Variants in COL4A4 observed in about 807,000 individuals in gnomAD.
The protein encoded by COL4A4 is collagen type IV alpha 4 chain, also known as collagen alpha-4(IV) chain.
COL4A4 carries 105 observed loss-of-function variants against 192.9 expected under a neutral mutation model. The observed-to-expected ratio is 0.54, with a 90% confidence interval of 0.46 to 0.64. The LOEUF (loss-of-function observed/expected upper bound fraction) is 0.64, where lower values mean the gene tolerates loss of function less well. Among genes scored for constraint, COL4A4 ranks in the 30% least tolerant of loss-of-function variants. COL4A4 has a pLI of 0.00. For synonymous variants in COL4A4, 762 were observed against 769.9 expected, an observed-to-expected ratio of 0.99 and a Z score of 0.17; for missense variants, 1,967 against 2,169.3, an observed-to-expected ratio of 0.91 and a Z score of 1.85.
Position 227,068,971 on chromosome 2 carries a change from T to C in COL4A4, c.1988-6373A>G, listed in dbSNP as rs1255505744. Among the ~76,000 whole-genome samples, 1,351 of 149,282 alleles carry C rather than the reference T, an allele frequency of 9.0e-3. 12 individuals are homozygous for C. Among genetic ancestry groups the C allele is most frequent in the African/African-American group, 0.032 (1,279 of 39,946 alleles). On this transcript the variant is annotated intron_variant, in intron 25 of 47. Transcript: ENST00000396625. ...ATGATTGTATATCTAGAAAACCCCATTGTCTCAGCCCAAAATCTCCTTAAG... is the reference window on the plus strand; with the variant it reads ...ATGATTGTATATCTAGAAAACCCCACTGTCTCAGCCCAAAATCTCCTTAAG...
chr2:227,043,014 G>C, intron 36 of COL4A4, 63 bp downstream of exon 36: 1 of 1,212,318 alleles, frequency 8.2e-7, no homozygotes, highest in Non-Finnish European at 1.2e-6. Flanking sequence ...AAGACTGGTG[G>C]TTTCTGAAAC....
At chr2:227,055,032 C>G (rs991045872) in intron 30 of COL4A4, among the ~76,000 whole-genome samples, 7 of 152,106 alleles carry the variant, frequency 4.6e-5, no homozygotes, top group African/African-American at 1.7e-4. Flanking sequence ...TCAAGTGATC[C>G]ACCCGCCTCA....
intron 14 of COL4A4, 102 bp downstream of exon 14, chr2:227,103,042 T>C (rs1222905356): frequency 3.5e-6 from 4 of 1,140,504 alleles, no homozygotes; most frequent in Non-Finnish European, 3.9e-6. Context: ...TGGTAATATA[T>C]ATTAGCACTT....
intron 34 of COL4A4, 82 bp from the exon 35 acceptor site, chr2:227,047,631 T>C (rs1196214219): frequency 1.1e-5 from 9 of 849,092 alleles, no homozygotes; most frequent in Non-Finnish European, 1.6e-5. Context: ...TTTATGGTAT[T>C]TGTATAGCTT....
At chr2:226,970,517 C>T in the COL4A4 span, among the ~76,000 whole-genome samples, 1 of 152,144 alleles carries the variant, frequency 6.6e-6, no homozygotes, top group Admixed American at 6.5e-5. Flanking sequence ...TGTTGGCTGC[C>T]AGAGGGCACG....
At chr2:227,020,880 C>CTTTTTCT (rs1553619614) in intron 44 of COL4A4, among the ~76,000 whole-genome samples, 34 of 127,596 alleles carry the variant, frequency 2.7e-4, no homozygotes, top group African/African-American at 1.1e-3. Flanking sequence ...ACACTTTTTT[C>CTTTTTCT]TTTTTTTTTT....
chr2:227,023,885 A>G (rs1475111273), intron 43 of COL4A4, among the ~76,000 whole-genome samples: 2 of 152,112 alleles, frequency 1.3e-5, no homozygotes, highest in African/African-American at 2.4e-5. Context: ...GGTGGTGCAC[A>G]GTCCCAGCTA....
chr2:227,067,299 A>G (rs911647009), intron 25 of COL4A4, among the ~76,000 whole-genome samples: 3 of 152,146 alleles, frequency 2.0e-5, no homozygotes, highest in African/African-American at 7.2e-5. Context: ...TCAACATTAG[A>G]CAGATCAACG....
chr2:227,100,090 C>T (rs544047102), intron 17 of COL4A4, among the ~76,000 whole-genome samples: 29 of 152,316 alleles, frequency 1.9e-4, no homozygotes, highest in Non-Finnish European at 3.1e-4. Context: ...CAACAAATAG[C>T]GTCCCTCTAA....
At chr2:227,025,764 G>A (rs1321489504) in intron 43 of COL4A4, 38 bp downstream of exon 43, 1 of 1,590,948 alleles carries the variant, frequency 6.3e-7, no homozygotes, top group Admixed American at 1.7e-5. Context: ...CTAGAAACCA[G>A]AGTGAGGGGA....
At position 227,030,442 on chromosome 2, in the gene COL4A4, C is replaced by T. The variant is rs755478262; in HGVS notation, c.3973+1G>A. ...ATTACTTAACGGAACAACATTCATACCTTTCTGGCCATCTTTTCCATCACA... is the reference window on the plus strand; with the variant it reads ...ATTACTTAACGGAACAACATTCATATCTTTCTGGCCATCTTTTCCATCACA... On this transcript the variant is annotated splice_donor_variant, in intron 41 of 47. Coordinates refer to ENST00000396625, the MANE Select transcript of COL4A4 (RefSeq NM_000092.5). LOFTEE classifies it high-confidence loss of function. 2 of 1,614,078 alleles carry T rather than the reference C, an allele frequency of 1.2e-6. No homozygotes were observed. Among genetic ancestry groups the T allele is most frequent in the Non-Finnish European group, 1.7e-6 (2 of 1,179,978 alleles).
At position 227,061,648 on chromosome 2, in the gene COL4A4, A is replaced by C. The variant is rs549820498; in HGVS notation, c.2056+882T>G. On this transcript the variant is annotated intron_variant, in intron 26 of 47. Coordinates refer to ENST00000396625, the MANE Select transcript of COL4A4 (RefSeq NM_000092.5). Reference sequence around the variant, plus strand: ...TTATTGTCATAAAATTTGATGGTAGAGAGAGTAACAGTCAGTCATTATTCA... The same window carrying C: ...TTATTGTCATAAAATTTGATGGTAGCGAGAGTAACAGTCAGTCATTATTCA... Among the ~76,000 whole-genome samples, 16 of 152,358 alleles carry C rather than the reference A, an allele frequency of 1.1e-4. No individual in the cohort carries two copies. In the South Asian group the frequency reaches 2.5e-3, roughly 24 times the overall value.
At chr2:227,091,247 C>CAGATAGATATAGATAT (rs61128654) in intron 20 of COL4A4, among the ~76,000 whole-genome samples, 3 of 142,424 alleles carry the variant, frequency 2.1e-5, no homozygotes, top group East Asian at 4.1e-4. Context: ...AATTGAAAAA[C>CAGATAGATATAGATAT]AGATATAGAT....
chr2:227,118,863 A>G (rs2061625456), intron 6 of COL4A4, 102 bp from the exon 7 acceptor site: 2 of 801,208 alleles, frequency 2.5e-6, no homozygotes, highest in African/African-American at 1.7e-5. Context: ...TGATTCACAC[A>G]TTTACTGTTT....
chr2:227,049,102 G>A (rs1489824810), intron 34 of COL4A4, among the ~76,000 whole-genome samples: 3 of 152,148 alleles, frequency 2.0e-5, no homozygotes, highest in Non-Finnish European at 2.9e-5. Flanking sequence ...TTACGCTAAG[G>A]CTAAGGTTAA....
intron 25 of COL4A4, among the ~76,000 whole-genome samples, chr2:227,071,312 T>C (rs2058709136): frequency 6.6e-6 from 1 of 151,944 alleles, no homozygotes; most frequent in East Asian, 1.9e-4. Context: ...ACAAAGATGG[T>C]CACTATGTAA....
intron 24 of COL4A4, among the ~76,000 whole-genome samples, chr2:227,078,654 A>G (rs2150484880): frequency 6.6e-6 from 1 of 152,352 alleles, no homozygotes; most frequent in African/African-American, 2.4e-5. Context: ...TTTATGTCAA[A>G]CCATTCTCTA....
chr2:227,041,863 A>AG lies in COL4A4; in HGVS notation c.3505+284_3505+285insC, dbSNP rs1559478629. ...AAGAAAGAAAGAGAAAGAAAGAAAG[A>AG]AAGAAAGAAAGAAAGAAAGAAAGAA... is the stretch of plus-strand genomic sequence containing the variant. On this transcript the variant is annotated intron_variant, in intron 37 of 47. Transcript: ENST00000396625. Among the ~76,000 whole-genome samples the AG allele has an allele frequency of 1.3e-3, 168 of 126,230 alleles. 2 individuals are homozygous for AG. The highest frequency in any genetic ancestry group is 4.8e-3 in the African/African-American group (147 of 30,452). The allele number at this position is 126,230 out of a possible 152,430, so 82.8% of individuals were successfully genotyped here. A position where few individuals can be genotyped will look rare whatever the true frequency, so the allele number is the denominator to read the frequency against.
intron 6 of COL4A4, 38 bp downstream of exon 6, chr2:227,119,857 C>CT (rs1315729802): frequency 7.2e-6 from 11 of 1,525,418 alleles, no homozygotes; most frequent in Non-Finnish European, 9.8e-6. Context: ...GTACTTCTGC[C>CT]TTTTTGAAAA....
Sources: gnomAD v4.1 joint callset for allele counts (sites outside exome capture counted in the v4.1 genomes callset) on GRCh38, gnomAD v4.1.1 for gene constraint, MANE v1.5 for transcripts, NCBI Gene and HGNC (gene_info 2026-07-23, HGNC 2026-07-21) for gene names.